The following VWA8 variants were observed in gnomAD, a reference collection of about 807,000 sequenced individuals.
VWA8 encodes von Willebrand factor A domain-containing protein 8.
In VWA8, 221 loss-of-function variants were observed where a neutral mutation model predicts 241.5. The observed-to-expected ratio is 0.91, with a 90% CI of 0.82 to 1.02. VWA8 has a LOEUF of 1.02. VWA8 is among the 50% of genes least tolerant of loss of function. VWA8 has a pLI of 0.00. For synonymous variants in VWA8, 852 were observed against 827.1 expected, an observed-to-expected ratio of 1.03 and a Z score of -0.52; for missense variants, 2,322 against 2,328.7, an observed-to-expected ratio of 1.00 and a Z score of 0.06.
chr13:41,605,256 C>T lies in VWA8; in HGVS notation c.4898G>A (p.Ser1633Asn), dbSNP rs1391141015. 1.2e-6 allele frequency: 2 copies of T among 1,613,014 alleles called. No individual in the cohort carries two copies. Among genetic ancestry groups the T allele is most frequent in the South Asian group, 2.2e-5 (2 of 91,050 alleles). ...TTCATAGGTTGCAGCATCGTATTCA[C>T]TCATTTGGATCTCCTTTAGCCTGAA... The part of the protein sequence containing the change: ...FQQRLKEIQM[S>N]EYDAATYERF... Residue 1633 changes from serine to asparagine, a missense_variant, in exon 40 of 45, where the codon AGT becomes AAT. By Grantham distance (46) the Ser-to-Asn change is conservative. Coordinates refer to ENST00000379310, the MANE Select transcript of VWA8 (RefSeq NM_015058.2).
intron 26 of VWA8, among the ~76,000 whole-genome samples, chr13:41,716,818 T>A (rs1041709107): frequency 1.3e-5 from 2 of 152,086 alleles, no homozygotes; most frequent in Non-Finnish European, 2.9e-5. Flanking sequence ...AAATCCAATG[T>A]GTATCTTCCC....
chr13:41,572,167 G>A (rs940271341), intron 43 of VWA8, among the ~76,000 whole-genome samples: 7 of 151,306 alleles, frequency 4.6e-5, no homozygotes, highest in African/African-American at 1.5e-4. Context: ...CCCCGTCCGG[G>A]AGGGAGGTGG....
chr13:41,709,765 C>A (rs1475992095), intron 26 of VWA8, among the ~76,000 whole-genome samples: 3 of 142,284 alleles, frequency 2.1e-5, no homozygotes, highest in Non-Finnish European at 4.7e-5. Context: ...CTCTCTGTCT[C>A]TCTCTCTTTT....
intron 37 of VWA8, among the ~76,000 whole-genome samples, chr13:41,639,330 C>T (rs960490135): frequency 3.3e-5 from 5 of 152,120 alleles, no homozygotes; most frequent in African/African-American, 9.7e-5. Context: ...GGACAAACTG[C>T]AAATATTTGA....
intron 37 of VWA8, among the ~76,000 whole-genome samples, chr13:41,633,301 G>A (rs2044737451): frequency 6.6e-6 from 1 of 152,114 alleles, no homozygotes; most frequent in African/African-American, 2.4e-5. Flanking sequence ...TGGAGGGAAG[G>A]GACTGAATCT....
At chr13:41,573,108 C>CAAAAAAA (rs71086585) in intron 43 of VWA8, among the ~76,000 whole-genome samples, 3 of 72,406 alleles carry the variant, frequency 4.1e-5, no homozygotes, top group Non-Finnish European at 5.9e-5. Context: ...GACACCGTTT[C>CAAAAAAA]AAAAAAAAAA....
chr13:41,719,346 CAA>C, intron 26 of VWA8: 1 of 1,320,276 alleles, frequency 7.6e-7, no homozygotes, highest in South Asian at 1.7e-5. Context: ...GTTAAAGAAA[CAA>C]ATATTTCCCT....
intron 2 of VWA8, among the ~76,000 whole-genome samples, chr13:41,924,463 A>C (rs544245347): frequency 7.4e-4 from 113 of 151,890 alleles, no homozygotes; most frequent in African/African-American, 2.7e-3. Context: ...GAAGGAAGAA[A>C]GGAAAAGAAA....
chr13:41,727,781 C>A (rs112527182), intron 23 of VWA8, among the ~76,000 whole-genome samples: 1 of 152,236 alleles, frequency 6.6e-6, no homozygotes, highest in Admixed American at 6.5e-5. Flanking sequence ...GTTTAGATCA[C>A]GCACCCTGAA....
intron 25 of VWA8, among the ~76,000 whole-genome samples, 183 bp from the exon 26 acceptor site, chr13:41,719,925 A>C (rs948054846): frequency 3.9e-5 from 6 of 152,092 alleles, no homozygotes; most frequent in Non-Finnish European, 4.4e-5. Context: ...CAGATGACTT[A>C]ACAATATTTT....
At chr13:41,704,729 A>G (rs2045272044) in intron 26 of VWA8, among the ~76,000 whole-genome samples, 2 of 152,212 alleles carry the variant, frequency 1.3e-5, no homozygotes, top group Admixed American at 1.3e-4. Context: ...TCAGCCTCCG[A>G]AAGTGCTGGG....
At chr13:41,819,955 C>A (rs867390701) in intron 14 of VWA8, among the ~76,000 whole-genome samples, 2 of 152,132 alleles carry the variant, frequency 1.3e-5, no homozygotes, top group Admixed American at 6.5e-5. Flanking sequence ...AGAATGCATT[C>A]TTTGGTCATT....
Position 41,587,572 on chromosome 13 carries a change from G to A in VWA8, c.5211C>T (p.Arg1737=). The change falls in exon 42 of 45, where the codon CGC becomes CGT. Residue 1737 remains arginine (R), a synonymous_variant. Transcript: ENST00000379310. ...RFNRMDGRLE[R]TMEAVCMVME... ...TGACCATACACACAGCCTCCATTGT[G>A]CGCTCAAGCCGGCCATCCATCCTGT... 6.2e-7 allele frequency: 1 copy of A among 1,614,148 alleles called. No individual in the cohort carries two copies. The highest frequency in any genetic ancestry group is 8.5e-7 in the Non-Finnish European group (1 of 1,180,018).
intron 38 of VWA8, among the ~76,000 whole-genome samples, chr13:41,612,883 T>C (rs1441361005): frequency 1.3e-5 from 2 of 152,174 alleles, no homozygotes; most frequent in Non-Finnish European, 2.9e-5. Context: ...TGTCTCAGGC[T>C]CCTCTTTATA....
intron 20 of VWA8, among the ~76,000 whole-genome samples, chr13:41,765,150 C>G (rs1266098850): frequency 6.6e-6 from 1 of 150,894 alleles, no homozygotes; most frequent in African/African-American, 2.4e-5. Context: ...ACAGAAGAAA[C>G]AGGGGAGGAG....
At chr13:41,671,316 A>G (rs754253409) in intron 36 of VWA8, among the ~76,000 whole-genome samples, 169 bp from the exon 37 acceptor site, 1 of 152,212 alleles carries the variant, frequency 6.6e-6, no homozygotes, top group Non-Finnish European at 1.5e-5. Context: ...AGGATACGCT[A>G]TGAGCAAAAG....
intron 42 of VWA8, among the ~76,000 whole-genome samples, chr13:41,576,671 T>TATTA (rs2044352431): frequency 6.6e-6 from 1 of 152,198 alleles, no homozygotes; most frequent in African/African-American, 2.4e-5. Context: ...GAGGCCCATA[T>TATTA]ATTATGTCTA....
intron 37 of VWA8, among the ~76,000 whole-genome samples, chr13:41,660,792 C>T (rs2044944269): frequency 6.6e-6 from 1 of 152,062 alleles, no homozygotes; most frequent in Non-Finnish European, 1.5e-5. Context: ...AGAAATTTTG[C>T]AACACTTTAA....
intron 21 of VWA8, among the ~76,000 whole-genome samples, chr13:41,745,735 T>C (rs778384734): frequency 6.6e-6 from 1 of 152,028 alleles, no homozygotes; most frequent in African/African-American, 2.4e-5. Flanking sequence ...TGTGGAGAAA[T>C]AGGAACACTT....
Sources: allele counts gnomAD v4.1 joint callset (sites outside exome capture counted in the v4.1 genomes callset), GRCh38; gene constraint gnomAD v4.1.1; transcripts MANE v1.5; gene names NCBI Gene and HGNC (gene_info 2026-07-23, HGNC 2026-07-21).